SCG5: variants seen among roughly 807,000 people sequenced by gnomAD.
The protein encoded by SCG5 is secretogranin V, also known as neuroendocrine protein 7B2.
SCG5 carries 18 observed loss-of-function variants against 25.7 expected under a neutral mutation model. The ratio of observed to expected loss-of-function variants is 0.70; its 90% CI spans 0.48 to 1.04. SCG5 has a LOEUF of 1.04. Among genes scored for constraint, SCG5 ranks in the 50% least tolerant of loss-of-function variants. The pLI is 0.00. For synonymous variants in SCG5, 101 were observed against 91.7 expected, an observed-to-expected ratio of 1.10 and a Z score of -0.58; for missense variants, 206 against 259.8, an observed-to-expected ratio of 0.79 and a Z score of 1.42.
At chr15:32,674,132 A>G (rs1320653900) in intron 2 of SCG5, among the ~76,000 whole-genome samples, 1 of 152,238 alleles carries the variant, frequency 6.6e-6, no homozygotes, top group Non-Finnish European at 1.5e-5. Context: ...AAGAACAGGC[A>G]AAGTCATATT....
intron 2 of SCG5, among the ~76,000 whole-genome samples, chr15:32,677,094 A>G (rs2054544064): frequency 6.6e-6 from 1 of 152,218 alleles, no homozygotes; most frequent in African/African-American, 2.4e-5. Context: ...CAAAAATAAT[A>G]TGGTAGTTTA....
chr15:32,679,722 T>A (rs1225557054), intron 2 of SCG5, 44 bp from the exon 3 acceptor site: 1 of 1,604,640 alleles, frequency 6.2e-7, no homozygotes, highest in South Asian at 1.1e-5. Context: ...TGGTTGAAAT[T>A]AATTGAATTG....
At chr15:32,690,568 T>C (rs990589130) in intron 4 of SCG5, among the ~76,000 whole-genome samples, 1 of 152,206 alleles carries the variant, frequency 6.6e-6, no homozygotes, top group African/African-American at 2.4e-5. Context: ...TTTTTGGTAG[T>C]AGAGGCTCCT....
intron 2 of SCG5, among the ~76,000 whole-genome samples, chr15:32,662,452 G>T (rs1005725426): frequency 6.7e-6 from 1 of 149,744 alleles, no homozygotes; most frequent in Non-Finnish European, 1.5e-5. Flanking sequence ...GATGACCAAT[G>T]AAACAGAACA....
intron 2 of SCG5, among the ~76,000 whole-genome samples, chr15:32,664,791 C>T (rs2054292149): frequency 6.6e-6 from 1 of 152,132 alleles, no homozygotes; most frequent in South Asian, 2.1e-4. Context: ...GGCCATTCTG[C>T]CAACACATGT....
chr15:32,645,078 G>A (rs2053921295), intron 2 of SCG5, among the ~76,000 whole-genome samples: 1 of 152,234 alleles, frequency 6.6e-6, no homozygotes, highest in South Asian at 2.1e-4. Flanking sequence ...GCTTGAATTA[G>A]AACAAATCCG....
At chr15:32,687,660 G>A (rs959669885) in intron 4 of SCG5, among the ~76,000 whole-genome samples, 4 of 152,176 alleles carry the variant, frequency 2.6e-5, no homozygotes, top group Non-Finnish European at 5.9e-5. Context: ...ACAGCACAAA[G>A]ACCCTGCTTC....
At chr15:32,693,994 C>T (rs1427493903) in intron 5 of SCG5, among the ~76,000 whole-genome samples, 2 of 152,096 alleles carry the variant, frequency 1.3e-5, no homozygotes, top group Non-Finnish European at 2.9e-5. Context: ...CCTGTTATCT[C>T]AGGTACTCGG....
intron 4 of SCG5, among the ~76,000 whole-genome samples, chr15:32,686,586 A>T (rs1386053317): frequency 6.6e-6 from 1 of 152,180 alleles, no homozygotes; most frequent in East Asian, 1.9e-4. Flanking sequence ...GGGAGGAAGG[A>T]CATAAAAAAG....
In SCG5 at chr15:32,643,761, C is replaced by G. The variant is rs750372565; in HGVS notation, c.169C>G (p.Arg57Gly). ...VMEQLGIARP[R>G]VEYPAHQAMN... is the part of the protein sequence containing the mutation. ...GGAGCAATTGGGCATTGCCAGGCCC[C>G]GAGTGGAATATCCAGCTCACCAGGC... is the stretch of plus-strand genomic sequence containing the variant. The change falls in exon 2 of 6, where the codon CGA becomes GGA. Residue 57 changes from arginine (R) to glycine (G), a missense_variant. Coordinates refer to ENST00000300175, the MANE Select transcript of SCG5 (RefSeq NM_001144757.3). The G allele has an allele frequency of 6.2e-7, 1 of 1,613,906 alleles. No homozygotes were observed. Among genetic ancestry groups the G allele is most frequent in the Non-Finnish European group, 8.5e-7 (1 of 1,179,892 alleles).
intron 4 of SCG5, among the ~76,000 whole-genome samples, 190 bp downstream of exon 4, chr15:32,684,859 A>C (rs1467411815): frequency 2.0e-5 from 3 of 152,230 alleles, no homozygotes; most frequent in Non-Finnish European, 4.4e-5. Flanking sequence ...AGGCAGCACT[A>C]TACCAAATCC....
intron 5 of SCG5, among the ~76,000 whole-genome samples, chr15:32,694,234 A>T (rs68050511): frequency 0.24 from 36,617 of 152,126 alleles, 5,599 homozygotes; most frequent in Non-Finnish European, 0.35. Context: ...TTACCTCCTC[A>T]TTAATTTTTC....
chr15:32,675,958 C>T (rs933170214), intron 2 of SCG5, among the ~76,000 whole-genome samples: 1 of 152,146 alleles, frequency 6.6e-6, no homozygotes, highest in African/African-American at 2.4e-5. Context: ...GATGAATAGA[C>T]CAAATGGCAT....
intron 1 of SCG5, among the ~76,000 whole-genome samples, chr15:32,642,725 C>G (rs1262450945): frequency 6.6e-6 from 1 of 151,994 alleles, no homozygotes; most frequent in Non-Finnish European, 1.5e-5. Context: ...CAGGTTGACC[C>G]TCCCACCCCC....
intron 2 of SCG5, among the ~76,000 whole-genome samples, chr15:32,659,206 A>C (rs932034696): frequency 1.3e-5 from 2 of 148,636 alleles, no homozygotes; most frequent in African/African-American, 4.8e-5. Flanking sequence ...AACCAAAAAA[A>C]CTGTCAGAGA....
chr15:32,663,067 ATATATATATAT>A lies in SCG5; in HGVS notation c.227-16698_227-16688del, dbSNP rs1567076469. On this transcript the variant is annotated intron_variant, in intron 2 of 5. Coordinates refer to ENST00000300175, the MANE Select transcript of SCG5 (RefSeq NM_001144757.3). ...TATATATATATATATATATATATAT[ATATATATATAT>A]AATATATAATATGTTATATATACAC... Among the ~76,000 whole-genome samples, 73 of 52,380 alleles carry A rather than the reference ATATATATATAT, an allele frequency of 1.4e-3. 2 individuals carry two copies. Among genetic ancestry groups the A allele is most frequent in the East Asian group, 9.1e-3 (18 of 1,988 alleles). The allele number at this position is 52,380 out of a possible 152,430, so 34.4% of individuals were successfully genotyped here. A position where few individuals can be genotyped will look rare whatever the true frequency, so the allele number is the denominator to read the frequency against.
At position 32,654,588 on chromosome 15, in the gene SCG5, G is replaced by C. The variant is rs116562046; in HGVS notation, c.226+10770G>C. ...AGAAAGTGTTAAACCTTGACCACAA[G>C]GTTTATCCTTAAGGATGATCCTCAC... On this transcript the variant is annotated intron_variant, in intron 2 of 5. Transcript: ENST00000300175. 3.9e-5 allele frequency among the ~76,000 whole-genome samples: 6 copies of C among 152,238 alleles called. No homozygotes were observed. In the South Asian group the frequency reaches 8.3e-4, roughly 21 times the overall value.
chr15:32,681,508 G>T (rs1233004926), intron 3 of SCG5, among the ~76,000 whole-genome samples: 6 of 148,612 alleles, frequency 4.0e-5, no homozygotes, highest in African/African-American at 1.5e-4. Flanking sequence ...TTGAGATAGG[G>T]TCTTACTTTG....
intron 2 of SCG5, among the ~76,000 whole-genome samples, chr15:32,666,762 C>T (rs534732590): frequency 1.2e-4 from 18 of 152,320 alleles, no homozygotes; most frequent in African/African-American, 3.8e-4. Flanking sequence ...CTCATACCAA[C>T]GGCTTAAGGA....
Sources: allele counts gnomAD v4.1 joint callset (sites outside exome capture counted in the v4.1 genomes callset), GRCh38; gene constraint gnomAD v4.1.1; transcripts MANE v1.5; gene names NCBI Gene and HGNC (gene_info 2026-07-23, HGNC 2026-07-21).